GLI3: variants seen among roughly 807,000 people sequenced by gnomAD.
The protein encoded by GLI3 is transcription activator GLI3.
A neutral mutation model predicts 100.8 loss-of-function variants in GLI3; 20 were observed. The ratio of observed to expected loss-of-function variants is 0.20; its 90% CI spans 0.14 to 0.29. GLI3 has a LOEUF of 0.29. GLI3 is among the 10% of genes least tolerant of loss of function. The pLI, the probability that GLI3 is intolerant of heterozygous loss-of-function variation, is 1.00. For synonymous variants in GLI3, 938 were observed against 860.5 expected (o/e 1.09, Z -1.58); for missense variants, 2,040 against 2,128.5 (o/e 0.96, Z 0.82).
At chr7:42,024,409 A>G (rs527701576) in intron 9 of GLI3, among the ~76,000 whole-genome samples, 7 of 147,272 alleles carry the variant, frequency 4.8e-5, no homozygotes, top group African/African-American at 1.8e-4. Context: ...GCGATATGCA[A>G]GAGGAAAGAT....
chr7:41,987,837 G>C (rs985474370), intron 10 of GLI3, among the ~76,000 whole-genome samples: 1 of 152,056 alleles, frequency 6.6e-6, no homozygotes, highest in Non-Finnish European at 1.5e-5. Flanking sequence ...ATAATAACTA[G>C]GTATAAATGT....
chr7:42,103,465 T>TA (rs35456086), intron 3 of GLI3, among the ~76,000 whole-genome samples: 94,344 of 149,486 alleles, frequency 0.63, 30,393 homozygotes, highest in East Asian at 0.71. Flanking sequence ...TGTATCTTAT[T>TA]AAAAAAAAAA....
intron 3 of GLI3, among the ~76,000 whole-genome samples, chr7:42,146,433 G>A (rs931250037): frequency 6.6e-6 from 1 of 152,150 alleles, no homozygotes. Flanking sequence ...TAAAACAAAC[G>A]AACCAAGAAC....
At chr7:42,104,545 G>A (rs887348696) in intron 3 of GLI3, among the ~76,000 whole-genome samples, 1 of 152,210 alleles carries the variant, frequency 6.6e-6, no homozygotes, top group Non-Finnish European at 1.5e-5. Flanking sequence ...TGTAATGGGT[G>A]TGAGATTATG....
intron 1 of GLI3, among the ~76,000 whole-genome samples, chr7:42,262,148 C>T (rs1789148731): frequency 6.6e-6 from 1 of 151,080 alleles, no homozygotes; most frequent in Admixed American, 6.6e-5. Flanking sequence ...GGCTCAACCT[C>T]CTAGGCTCTT....
intron 7 of GLI3, among the ~76,000 whole-genome samples, chr7:42,029,910 C>T (rs986706237): frequency 6.6e-6 from 1 of 152,132 alleles, no homozygotes; most frequent in Non-Finnish European, 1.5e-5. Flanking sequence ...CCAGCTGGGC[C>T]GGGCAGTGTG....
intron 8 of GLI3, 138 bp downstream of exon 8, chr7:42,026,058 ACCT>A (rs1789101440): frequency 4.4e-6 from 3 of 682,654 alleles, no homozygotes; most frequent in African/African-American, 3.5e-5. Context: ...TGAAGACTAG[ACCT>A]CAGCATTAAG....
At chr7:41,987,739 T>C (rs1327098192) in intron 10 of GLI3, among the ~76,000 whole-genome samples, 1 of 152,222 alleles carries the variant, frequency 6.6e-6, no homozygotes, top group Non-Finnish European at 1.5e-5. Flanking sequence ...CATGATATAT[T>C]CTAAAATTTA....
rs35488756 is a variant in GLI3, at chr7:42,023,572, C to G, written c.1393G>C (p.Gly465Arg). Reference sequence around the variant, plus strand: ...TCCTGTTTGCTTTCATCTTTGTCCCCTTCCTCCTTGACAAGGGTTGTTCCT... The same window carrying G: ...TCCTGTTTGCTTTCATCTTTGTCCCGTTCCTCCTTGACAAGGGTTGTTCCT... ...PEGTTLVKEEGDKDESKQEPE... is the reference protein window; with the variant it reads ...PEGTTLVKEERDKDESKQEPE... The change falls in exon 10 of 15, where the codon GGG becomes CGG. Residue 465 changes from glycine (G) to arginine (R), a missense_variant. By Grantham distance (125) the Gly-to-Arg change is moderately radical (BLOSUM62 -2). Transcript: ENST00000395925. The G allele has an allele frequency of 3.9e-3, 6,333 of 1,613,320 alleles. 27 individuals are homozygous for G. The highest frequency in any genetic ancestry group is 0.024 in the Middle Eastern group (143 of 6,060).
In GLI3 at chr7:42,147,137, T is replaced by C. The variant is rs1279225362; in HGVS notation, c.367+1089A>G. The stretch of plus-strand genomic sequence containing the variant: ...GGGGGGAGGTGGTGCGGGGTAGCGG[T>C]TGCTGAGACTTAAGGTTATGCGAGG... On this transcript the variant is annotated intron_variant, in intron 3 of 14. Coordinates refer to ENST00000395925, the MANE Select transcript of GLI3 (RefSeq NM_000168.6). Among the ~76,000 whole-genome samples, 3 of 152,154 alleles carry C rather than the reference T, an allele frequency of 2.0e-5. No homozygotes were observed. In the East Asian group the frequency reaches 5.8e-4, roughly 29 times the overall value.
chr7:42,106,839 G>A (rs1283882923), intron 3 of GLI3, among the ~76,000 whole-genome samples: 1 of 151,904 alleles, frequency 6.6e-6, no homozygotes, highest in East Asian at 1.9e-4. Flanking sequence ...CCCCAGCCCT[G>A]CCATGCCCAT....
In GLI3 at chr7:42,237,140, G is replaced by A. The variant is rs985434394; in HGVS notation, c.-212C>T. On this transcript the variant is annotated 5_prime_UTR_variant, in exon 1 of 15. Transcript: ENST00000395925. ...GGCATGGTGCGGCGCGGGCGGCCGC[G>A]GGGCGCGCGGGGAAGGCGGGAGAGC... The A allele has an allele frequency of 2.0e-5, 3 of 148,658 alleles. No homozygotes were observed. Among genetic ancestry groups the A allele is most frequent in the African/African-American group, 7.3e-5 (3 of 40,994 alleles). 9.2% of individuals were successfully genotyped at this position (148,658 alleles called of 1,614,324 possible).
At chr7:42,111,356 G>C (rs1170677164) in intron 3 of GLI3, among the ~76,000 whole-genome samples, 1 of 152,150 alleles carries the variant, frequency 6.6e-6, no homozygotes, top group African/African-American at 2.4e-5. Flanking sequence ...CAAGTTGCAA[G>C]GTAGCTCAAG....
intron 2 of GLI3, chr7:42,151,349 A>G (rs1786855614): frequency 6.6e-6 from 1 of 152,358 alleles, no homozygotes; most frequent in South Asian, 2.1e-4. Flanking sequence ...TGAAAGGGAC[A>G]CTTTCCAAGC....
At chr7:42,223,006 T>G in intron 2 of GLI3, 124 bp downstream of exon 2, 69 of 899,582 alleles carry the variant, frequency 7.7e-5, no homozygotes, top group East Asian at 2.6e-4. Flanking sequence ...CCCTGCTCCA[T>G]TTGCTTTCTT....
intron 10 of GLI3, among the ~76,000 whole-genome samples, chr7:41,981,760 G>A (rs1385536249): frequency 6.6e-6 from 1 of 152,188 alleles, no homozygotes; most frequent in Non-Finnish European, 1.5e-5. Context: ...AAAGTGACGG[G>A]GAAGGTATAG....
At chr7:42,242,816 T>C (rs1276391444), upstream of GLI3, among the ~76,000 whole-genome samples, 1 of 152,208 alleles carries the variant, frequency 6.6e-6, no homozygotes, top group Non-Finnish European at 1.5e-5. Context: ...CCAAAAACTA[T>C]AAGGAATTCT....
At position 42,056,839 on chromosome 7, in the gene GLI3, G is replaced by A. The variant is rs991397293; in HGVS notation, c.474-8143C>T. On this transcript the variant is annotated intron_variant, in intron 4 of 14. Coordinates refer to ENST00000395925, the MANE Select transcript of GLI3 (RefSeq NM_000168.6). ...TAAATAAATAAATAAAAAATTAGCC[G>A]GGCATGGTGGTGTATGCCTGTAATC... 5.9e-5 allele frequency among the ~76,000 whole-genome samples: 8 copies of A among 134,784 alleles called. No individual in the cohort carries two copies. The South Asian group carries it at 8.7e-4, about 15-fold the overall frequency. 88.4% of individuals were successfully genotyped at this position (134,784 alleles called of 152,430 possible). A position where few individuals can be genotyped will look rare whatever the true frequency, so the allele number is the denominator to read the frequency against.
chr7:41,999,171 C>A (rs1450079517), intron 10 of GLI3, among the ~76,000 whole-genome samples: 2 of 152,038 alleles, frequency 1.3e-5, no homozygotes, highest in Non-Finnish European at 2.9e-5. Flanking sequence ...CCTTAGATGG[C>A]AAAAACTACT....
Sources: allele counts gnomAD v4.1 joint callset (sites outside exome capture counted in the v4.1 genomes callset), GRCh38; gene constraint gnomAD v4.1.1; transcripts MANE v1.5; gene names NCBI Gene and HGNC (gene_info 2026-07-23, HGNC 2026-07-21).